ZMIZ1: variants seen among roughly 807,000 people sequenced by gnomAD.
ZMIZ1 encodes the protein zinc finger MIZ domain-containing protein 1.
A neutral mutation model predicts 113.9 loss-of-function variants in ZMIZ1; 17 were observed. That is an observed-to-expected ratio of 0.15 (90% CI 0.10 to 0.22). ZMIZ1 has a LOEUF of 0.22. Among genes scored for constraint, ZMIZ1 ranks in the 10% least tolerant of loss-of-function variants. ZMIZ1 has a pLI of 1.00. For synonymous variants in ZMIZ1, 607 were observed against 603.1 expected (o/e 1.01, Z -0.09); for missense variants, 1,059 against 1,477.8 (o/e 0.72, Z 4.65).
chr10:79,262,679 G>C (rs1851341221), intron 7 of ZMIZ1, among the ~76,000 whole-genome samples: 1 of 152,228 alleles, frequency 6.6e-6, no homozygotes, highest in Non-Finnish European at 1.5e-5. Context: ...ATCTCAGGTT[G>C]TCTTGAACGG....
At chr10:79,210,815 C>T (rs1848500450) in intron 6 of ZMIZ1, among the ~76,000 whole-genome samples, 1 of 152,142 alleles carries the variant, frequency 6.6e-6, no homozygotes, top group African/African-American at 2.4e-5. Flanking sequence ...TGTATGGGGG[C>T]AGGAGCTCTG....
intron 1 of ZMIZ1, among the ~76,000 whole-genome samples, chr10:79,088,324 G>A (rs1842877703): frequency 6.6e-6 from 1 of 152,120 alleles, no homozygotes; most frequent in Admixed American, 6.5e-5. Flanking sequence ...AAGGCTTCTT[G>A]GGCAAAACTC....
intron 7 of ZMIZ1, among the ~76,000 whole-genome samples, chr10:79,225,611 G>T (rs1849169556): frequency 6.6e-6 from 1 of 152,244 alleles, no homozygotes; most frequent in African/African-American, 2.4e-5. Flanking sequence ...GGGTGAAGGG[G>T]TTTAGAAAAG....
chr10:79,194,871 T>A (rs2132626209), intron 4 of ZMIZ1, among the ~76,000 whole-genome samples: 1 of 152,342 alleles, frequency 6.6e-6, no homozygotes, highest in East Asian at 1.9e-4. Flanking sequence ...TGCTGGGTGG[T>A]GAGAAGTGTA....
At chr10:79,242,292 G>C (rs930340220) in intron 7 of ZMIZ1, among the ~76,000 whole-genome samples, 2 of 152,098 alleles carry the variant, frequency 1.3e-5, no homozygotes, top group African/African-American at 2.4e-5. Context: ...GGCGGGGCAG[G>C]GCCGCGCGCA....
chr10:79,291,687 C>T (rs779562507), intron 10 of ZMIZ1, among the ~76,000 whole-genome samples: 1 of 152,188 alleles, frequency 6.6e-6, no homozygotes, highest in Non-Finnish European at 1.5e-5. Flanking sequence ...GTGAGGCGAG[C>T]AGAGGTGCCC....
rs532466303 is a variant in ZMIZ1 at position 79,265,807 on chromosome 10, T to G, written c.281-11374T>G. Among the ~76,000 whole-genome samples, 57 of 152,218 alleles carry G rather than the reference T, an allele frequency of 3.7e-4. No individual in the cohort carries two copies. In the East Asian group the frequency reaches 0.01, roughly 27 times the overall value. On this transcript the variant is annotated intron_variant, in intron 7 of 24. Transcript: ENST00000334512. ...CAGGGTGCTCCCCACCCATCCACTC[T>G]CCTAGGACCCTGTCACCCTCAGAGT...
At chr10:79,082,695 A>G (rs1287390055) in intron 1 of ZMIZ1, among the ~76,000 whole-genome samples, 1 of 152,144 alleles carries the variant, frequency 6.6e-6, no homozygotes, top group African/African-American at 2.4e-5. Flanking sequence ...TGGCCTTCCC[A>G]GGCTTTGTGT....
Position 79,304,158 on chromosome 10 carries a change from G to A in ZMIZ1, c.2269G>A (p.Asp757Asn), listed in dbSNP as rs368814462. The A allele has an allele frequency of 2.5e-6, 4 of 1,613,770 alleles. No homozygotes were observed. The highest frequency in any genetic ancestry group is 1.6e-4 in the Middle Eastern group (1 of 6,084). ...RRIQLPARGH[D>N]CKHVQCFDLE... ...CATCCAGCTGCCTGCTCGAGGACAC[G>A]ATTGCAAGCATGTGCAGGTGAGCGG... The change falls in exon 19 of 25, where the codon GAT (aspartate) becomes AAT (asparagine). Residue 757 changes from aspartate (D) to asparagine (N), a missense_variant. By Grantham distance (23) the Asp-to-Asn change is conservative (BLOSUM62 1). Around this residue, in one of 6 missense-constraint regions of ZMIZ1, gnomAD observed 217 missense variants for 426.9 expected, o/e 0.51. Coordinates refer to ENST00000334512, the MANE Select transcript of ZMIZ1 (RefSeq NM_020338.4).
intron 2 of ZMIZ1, among the ~76,000 whole-genome samples, chr10:79,129,728 G>A (rs1844669217): frequency 6.6e-6 from 1 of 152,214 alleles, no homozygotes; most frequent in Admixed American, 6.5e-5. Context: ...TTCTGGAGAC[G>A]TTCAGGAAAC....
At chr10:79,080,136 C>G (rs1842608888) in intron 1 of ZMIZ1, among the ~76,000 whole-genome samples, 1 of 152,054 alleles carries the variant, frequency 6.6e-6, no homozygotes, top group Non-Finnish European at 1.5e-5. Context: ...GTCCTCATGT[C>G]CCCACCTTCC....
intron 7 of ZMIZ1, among the ~76,000 whole-genome samples, chr10:79,271,532 G>A (rs926690757): frequency 2.0e-5 from 3 of 152,160 alleles, no homozygotes; most frequent in South Asian, 2.1e-4. Flanking sequence ...TCTGGGATGC[G>A]GAGTTGGATA....
At chr10:79,107,018 C>T (rs1239768429) in intron 1 of ZMIZ1, among the ~76,000 whole-genome samples, 3 of 152,250 alleles carry the variant, frequency 2.0e-5, no homozygotes, top group South Asian at 4.1e-4. Flanking sequence ...ATTTTCAGAG[C>T]ACTCACTCTT....
At chr10:79,139,156 C>T (rs1331322252) in intron 2 of ZMIZ1, among the ~76,000 whole-genome samples, 1 of 152,130 alleles carries the variant, frequency 6.6e-6, no homozygotes, top group East Asian at 1.9e-4. Context: ...AAAATGGCTC[C>T]GAGTGTTGGT....
At chr10:79,219,256 C>G (rs79985580) in intron 7 of ZMIZ1, among the ~76,000 whole-genome samples, 2,591 of 152,324 alleles carry the variant, frequency 0.017, 49 homozygotes, top group African/African-American at 0.049. Context: ...GCAGGAGAGA[C>G]TCAGGTCTCT....
chr10:79,237,636 A>G, intron 7 of ZMIZ1, among the ~76,000 whole-genome samples: 1 of 152,190 alleles, frequency 6.6e-6, no homozygotes, highest in Admixed American at 6.5e-5. Context: ...ACTTCTTTTT[A>G]TAAGGACACT....
At chr10:79,211,014 T>A (rs932683204) in intron 6 of ZMIZ1, among the ~76,000 whole-genome samples, 1 of 152,132 alleles carries the variant, frequency 6.6e-6, no homozygotes, top group Non-Finnish European at 1.5e-5. Context: ...CCTAGTGGAA[T>A]GGCCCCCACT....
rs759524316 is a variant in ZMIZ1 at position 79,116,691 on chromosome 10, A to T, written c.-336-2224A>T. Among the ~76,000 whole-genome samples the T allele has an allele frequency of 4.5e-4, 69 of 152,262 alleles. 1 individual carries two copies. The East Asian group carries it at 0.013, about 29-fold the overall frequency. ...GTCTTTAGTTCCATTGAAGTGTTACACCCATGCAGAAAAGTGTGTATCTCC... is the reference window on the plus strand; with the variant it reads ...GTCTTTAGTTCCATTGAAGTGTTACTCCCATGCAGAAAAGTGTGTATCTCC... On this transcript the variant is annotated intron_variant, in intron 1 of 24. Transcript: ENST00000334512.
intron 3 of ZMIZ1, among the ~76,000 whole-genome samples, chr10:79,146,765 G>A (rs1228971032): frequency 2.0e-5 from 3 of 152,180 alleles, no homozygotes; most frequent in Non-Finnish European, 2.9e-5. Flanking sequence ...CTTCCGCCCC[G>A]ACTCTGCTGG....
Sources: gnomAD v4.1 joint callset for allele counts (sites outside exome capture counted in the v4.1 genomes callset) on GRCh38, gnomAD v4.1.1 for gene constraint, gnomAD v4.1.1 regional missense constraint, MANE v1.5 for transcripts, NCBI Gene and HGNC (gene_info 2026-07-23, HGNC 2026-07-21) for gene names.